The following PODN variants were observed in gnomAD, a reference collection of about 807,000 sequenced individuals.
PODN encodes podocan.
Under a neutral mutation model 52.7 loss-of-function variants are expected in PODN, and 40 were observed. The observed-to-expected ratio is 0.76, with a 90% CI of 0.59 to 0.99. PODN has a LOEUF of 0.99. PODN is among the 50% of genes least tolerant of loss of function. The pLI, the probability that PODN is intolerant of heterozygous loss-of-function variation, is 0.00. For synonymous variants in PODN, 396 were observed against 377.9 expected (o/e 1.05, Z -0.56); for missense variants, 720 against 815.1 (o/e 0.88, Z 1.42).
chr1:53,082,686 A>C (rs984060814), intron 10 of PODN, among the ~76,000 whole-genome samples: 1 of 152,214 alleles, frequency 6.6e-6, no homozygotes, highest in African/African-American at 2.4e-5. Flanking sequence ...CATGCACACA[A>C]ATGCACACGG....
In PODN at chr1:53,079,028, C is replaced by T. The variant is rs372688099; in HGVS notation, c.1512+6C>T. On this transcript the variant is annotated splice_donor_region_variant and intron_variant, in intron 8 of 10. Coordinates refer to ENST00000312553, the MANE Select transcript of PODN (RefSeq NM_153703.5). ...TGGACCTCGCCCATCTGCAGGTAAG[C>T]GGAAGGGAGGGGGCTGAGCCATGCC... 5.8e-5 allele frequency: 88 copies of T among 1,528,916 alleles called. No individual in the cohort carries two copies. Among genetic ancestry groups the T allele is most frequent in the South Asian group, 1.6e-4 (13 of 79,980 alleles). The allele number at this position is 1,528,916 out of a possible 1,614,324, so 94.7% of individuals were successfully genotyped here.
chr1:53,072,293 A>G (rs1479602162), intron 3 of PODN, among the ~76,000 whole-genome samples: 2 of 152,206 alleles, frequency 1.3e-5, no homozygotes, highest in African/African-American at 4.8e-5. Context: ...AGAATCCATA[A>G]GTTATTTTCA....
In PODN at chr1:53,079,036, AG is replaced by A. The variant is rs1256184899; in HGVS notation, c.1512+19del. The A allele has an allele frequency of 7.3e-6, 11 of 1,515,358 alleles. No individual in the cohort carries two copies. Among genetic ancestry groups the A allele is most frequent in the African/African-American group, 4.1e-5 (3 of 72,872 alleles). 93.9% of individuals were successfully genotyped at this position (1,515,358 alleles called of 1,614,324 possible). A position where few individuals can be genotyped will look rare whatever the true frequency, so the allele number is the denominator to read the frequency against. On this transcript the variant is annotated intron_variant, in intron 8 of 10. Transcript: ENST00000312553. ...GCCCATCTGCAGGTAAGCGGAAGGG[AG>A]GGGGCTGAGCCATGCCCATGGAGGG...
At chr1:53,071,933 CAA>C (rs34700759) in intron 3 of PODN, among the ~76,000 whole-genome samples, 7,372 of 151,924 alleles carry the variant, frequency 0.049, 269 homozygotes, top group East Asian at 0.19. Flanking sequence ...TCAGGTTAGA[CAA>C]GAGAATTTCA....
intron 8 of PODN, among the ~76,000 whole-genome samples, chr1:53,079,709 A>G (rs992963098): frequency 2.0e-5 from 3 of 152,124 alleles, no homozygotes; most frequent in African/African-American, 7.2e-5. Flanking sequence ...GGTGAAAGAG[A>G]AATCCACTCT....
At chr1:53,080,152 C>G (rs914319553) in intron 8 of PODN, among the ~76,000 whole-genome samples, 4 of 152,198 alleles carry the variant, frequency 2.6e-5, no homozygotes, top group Non-Finnish European at 4.4e-5. Flanking sequence ...ATGTGATGAT[C>G]TGAGACAGAA....
intron 1 of PODN, chr1:53,063,428 A>G: frequency 2.0e-6 from 2 of 985,474 alleles, no homozygotes; most frequent in Non-Finnish European, 2.4e-6. Flanking sequence ...GAACCGGGAG[A>G]GCCCCTGGGT....
At chr1:53,071,766 C>A in intron 3 of PODN, 138 bp downstream of exon 3, 1 of 813,692 alleles carries the variant, frequency 1.2e-6, no homozygotes, top group Non-Finnish European at 1.9e-6. Context: ...CCGGGCCAGG[C>A]TAGCAGTGGG....
In PODN at chr1:53,074,676, G is replaced by A. The variant is rs1367134861; in HGVS notation, c.471+6G>A. On this transcript the variant is annotated splice_donor_region_variant and intron_variant, in intron 4 of 10. Transcript: ENST00000312553. ...TGTACTTGGCCAATAACAAGGTGAG[G>A]GGCTTGAGGCAGGGTGGGGGGTTGC... 2 of 1,613,676 alleles carry A rather than the reference G, an allele frequency of 1.2e-6. No homozygotes were observed. The highest frequency in any genetic ancestry group is 4.5e-5 in the East Asian group (2 of 44,894).
chr1:53,066,587 G>A (rs1020578037), intron 1 of PODN, among the ~76,000 whole-genome samples: 1 of 152,062 alleles, frequency 6.6e-6, no homozygotes, highest in African/African-American at 2.4e-5. Flanking sequence ...CAGAAGCCAC[G>A]CTGAGTCTTC....
At chr1:53,063,495 G>T (rs1410991223) in intron 1 of PODN, 1 of 985,446 alleles carries the variant, frequency 1.0e-6, no homozygotes, top group East Asian at 1.1e-4. Flanking sequence ...GAAGGCAGCG[G>T]CGAGGCAGGA....
In PODN at chr1:53,066,777, A is replaced by C. The variant is rs1364534661; in HGVS notation, c.-55-3024A>C. 1.3e-5 allele frequency: 20 copies of C among 1,518,118 alleles called. No homozygotes were observed. The East Asian group carries it at 4.7e-4, about 35-fold the overall frequency. 94.0% of individuals were successfully genotyped at this position (1,518,118 alleles called of 1,614,324 possible). Reference sequence around the variant, plus strand: ...GATAACATTTTCAGTACGGTGCAGAATGTTAATATAAATTCAATATTTTTA... The same window carrying C: ...GATAACATTTTCAGTACGGTGCAGACTGTTAATATAAATTCAATATTTTTA... On this transcript the variant is annotated intron_variant, in intron 1 of 10. Coordinates refer to ENST00000312553, the MANE Select transcript of PODN (RefSeq NM_153703.5).
rs767613395 is a variant in PODN, at chr1:53,080,820, T to C, written c.1605T>C (p.Ser535=). The C allele has an allele frequency of 1.2e-6, 2 of 1,614,088 alleles. No individual in the cohort carries two copies. Among genetic ancestry groups the C allele is most frequent in the Admixed American group, 1.7e-5 (1 of 60,030 alleles). Residue 535 remains serine (S), a synonymous_variant, in exon 9 of 11, where the codon AGT becomes AGC. Coordinates refer to ENST00000312553, the MANE Select transcript of PODN (RefSeq NM_153703.5). The part of the protein sequence containing the change: ...EYLYLQNNKI[S]AVPANAFDST... ...TGTACCTGCAGAACAACAAGATTAG[T>C]GCGGTGCCCGCCAATGCCTTCGACT...
chr1:53,073,485 A>G (rs1644149412), intron 3 of PODN: 1 of 152,196 alleles, frequency 6.6e-6, no homozygotes, highest in Non-Finnish European at 1.5e-5. Flanking sequence ...GGTGTTTCTA[A>G]GACCTGGGGG....
intron 5 of PODN, 100 bp downstream of exon 5, chr1:53,076,071 G>A: frequency 1.9e-6 from 2 of 1,040,858 alleles, no homozygotes; most frequent in South Asian, 2.8e-5. Context: ...CCCGAAGGAG[G>A]CCCTGCACTC....
chr1:53,071,437 G>A, intron 2 of PODN, 98 bp from the exon 3 acceptor site: 1 of 1,027,946 alleles, frequency 9.7e-7, no homozygotes, highest in East Asian at 2.7e-5. Flanking sequence ...CCCAGCAGGT[G>A]GACTGGATTC....
intron 6 of PODN, 64 bp from the exon 7 acceptor site, chr1:53,077,621 C>T: frequency 6.8e-7 from 1 of 1,470,078 alleles, no homozygotes; most frequent in Non-Finnish European, 9.3e-7. Flanking sequence ...ACACCTCATC[C>T]CGAGGCCCTG....
At chr1:53,070,985 TAC>T (rs1644108954) in intron 2 of PODN, 1 of 153,382 alleles carries the variant, frequency 6.5e-6, no homozygotes, top group Non-Finnish European at 1.5e-5. Context: ...GCCCTGTGCT[TAC>T]AGTCAGTGGC....
At chr1:53,078,133 G>T (rs1344867712) in intron 7 of PODN, among the ~76,000 whole-genome samples, 1 of 152,156 alleles carries the variant, frequency 6.6e-6, no homozygotes, top group Non-Finnish European at 1.5e-5. Flanking sequence ...CTATCAAAAG[G>T]TTAAATAGTG....
Sources: allele counts gnomAD v4.1 joint callset (sites outside exome capture counted in the v4.1 genomes callset), GRCh38; gene constraint gnomAD v4.1.1; transcripts MANE v1.5; gene names NCBI Gene and HGNC (gene_info 2026-07-23, HGNC 2026-07-21).